Variants in SPIDR observed in about 807,000 individuals in gnomAD.
SPIDR encodes the protein DNA repair-scaffolding protein.
A neutral mutation model predicts 104.6 loss-of-function variants in SPIDR; 93 were observed. The ratio of observed to expected loss-of-function variants is 0.89; its 90% CI spans 0.75 to 1.06. The LOEUF (loss-of-function observed/expected upper bound fraction) is 1.06. SPIDR is among the 50% of genes least tolerant of loss of function. The probability of loss-of-function intolerance (pLI) is 0.00; values close to 1 mark genes in which losing one functional copy is unlikely to be tolerated. For synonymous variants in SPIDR, 431 were observed against 416.9 expected, an observed-to-expected ratio of 1.03 and a Z score of -0.41; for missense variants, 1,154 against 1,111.2, an observed-to-expected ratio of 1.04 and a Z score of -0.55.
chr8:47,691,016 G>T (rs1271841531), intron 11 of SPIDR, among the ~76,000 whole-genome samples: 1 of 152,058 alleles, frequency 6.6e-6, no homozygotes, highest in African/African-American at 2.4e-5. Flanking sequence ...TGCTGGCTGG[G>T]TGCAGTGGCT....
At chr8:47,660,488 C>T in intron 10 of SPIDR, 2 of 985,426 alleles carry the variant, frequency 2.0e-6, no homozygotes, top group Non-Finnish European at 2.4e-6. Context: ...CAAAGTCCTG[C>T]GGAATGGCAG....
At chr8:47,680,556 AGTG>A (rs1391628166) in intron 11 of SPIDR, among the ~76,000 whole-genome samples, 6 of 152,226 alleles carry the variant, frequency 3.9e-5, no homozygotes, top group Non-Finnish European at 1.5e-5. Flanking sequence ...GGAAATATGT[AGTG>A]GTAAGAGCTC....
At chr8:47,388,205 A>G (rs782098749) in intron 5 of SPIDR, 5 of 152,174 alleles carry the variant, frequency 3.3e-5, no homozygotes, top group African/African-American at 4.8e-5. Context: ...CACTAGTGTG[A>G]GCCATACTTA....
intron 8 of SPIDR, among the ~76,000 whole-genome samples, chr8:47,594,196 CAAAAAAAAAAA>C (rs372928071): frequency 7.5e-5 from 4 of 53,548 alleles, no homozygotes; most frequent in African/African-American, 7.8e-5. Context: ...CCAGTCTCTA[CAAAAAAAAAAA>C]AAAAAAAAAA....
chr8:47,582,047 T>A (rs1260047007), intron 8 of SPIDR, among the ~76,000 whole-genome samples: 2 of 152,110 alleles, frequency 1.3e-5, no homozygotes, highest in African/African-American at 4.8e-5. Flanking sequence ...TGAAACCCTG[T>A]CTCTACTAAA....
In SPIDR at chr8:47,596,022, C is replaced by T; in HGVS notation, c.1293+16C>T. Reference sequence around the variant, plus strand: ...TGAAATCCAGGTAAACTCCTATTGGCCTAAAGGTTTTATGCTTGTAATAAT... The same window carrying T: ...TGAAATCCAGGTAAACTCCTATTGGTCTAAAGGTTTTATGCTTGTAATAAT... On this transcript the variant is annotated intron_variant, in intron 9 of 19. Transcript: ENST00000297423. 2 of 1,597,704 alleles carry T rather than the reference C, an allele frequency of 1.3e-6. No individual in the cohort carries two copies. The highest frequency in any genetic ancestry group is 1.7e-6 in the Non-Finnish European group (2 of 1,171,608).
intron 3 of SPIDR, among the ~76,000 whole-genome samples, chr8:47,287,163 G>A (rs2039000005): frequency 6.6e-6 from 1 of 151,996 alleles, no homozygotes; most frequent in South Asian, 2.1e-4. Flanking sequence ...CGAACAGGGA[G>A]TAGGTCACAA....
rs545529362 is a variant in SPIDR, at chr8:47,635,087, ATATAGT to A, written c.1544+35897_1544+35902del. On this transcript the variant is annotated intron_variant, in intron 10 of 19. Coordinates refer to ENST00000297423, the MANE Select transcript of SPIDR (RefSeq NM_001080394.4). Reference sequence around the variant, plus strand: ...GGTTAATGGGTCCAAAGATATAAAGATATAGTTATAGGCTGAGTGCGGTGGCTGACA... The same window carrying A: ...GGTTAATGGGTCCAAAGATATAAAGATATAGGCTGAGTGCGGTGGCTGACA... 1.6e-4 allele frequency among the ~76,000 whole-genome samples: 24 copies of A among 152,206 alleles called. No homozygotes were observed. In the East Asian group the frequency reaches 2.1e-3, roughly 13 times the overall value.
chr8:47,702,230 A>G (rs1054130702), intron 14 of SPIDR, among the ~76,000 whole-genome samples: 6 of 152,114 alleles, frequency 3.9e-5, no homozygotes, highest in African/African-American at 1.4e-4. Flanking sequence ...AGCATGCCCC[A>G]TATACTGAAG....
At chr8:47,300,164 G>T (rs1413017642) in intron 5 of SPIDR, among the ~76,000 whole-genome samples, 1 of 152,066 alleles carries the variant, frequency 6.6e-6, no homozygotes, top group Non-Finnish European at 1.5e-5. Context: ...TCAGCTTCTT[G>T]CTGGTTTAGT....
chr8:47,499,481 T>C (rs924729163), intron 8 of SPIDR, among the ~76,000 whole-genome samples: 1 of 152,074 alleles, frequency 6.6e-6, no homozygotes, highest in South Asian at 2.1e-4. Flanking sequence ...TTTGAACTAC[T>C]TGTGGACAAT....
At chr8:47,500,479 T>C (rs893564061) in intron 8 of SPIDR, among the ~76,000 whole-genome samples, 14 of 152,348 alleles carry the variant, frequency 9.2e-5, no homozygotes, top group African/African-American at 2.9e-4. Context: ...CACCCACTTG[T>C]TGATAGGGTT....
At chr8:47,660,435 C>T (rs1241563291) in intron 10 of SPIDR, 2 of 985,288 alleles carry the variant, frequency 2.0e-6, no homozygotes, top group Non-Finnish European at 2.4e-6. Context: ...GCTCTTCCAA[C>T]ATGGTCCAGG....
intron 7 of SPIDR, among the ~76,000 whole-genome samples, chr8:47,435,800 A>G (rs962309914): frequency 6.6e-6 from 1 of 152,232 alleles, no homozygotes; most frequent in Non-Finnish European, 1.5e-5. Context: ...TCTTAGCATA[A>G]TGAAGTAGGG....
chr8:47,510,358 T>C (rs1354249843), intron 8 of SPIDR, among the ~76,000 whole-genome samples: 1 of 152,264 alleles, frequency 6.6e-6, no homozygotes, highest in East Asian at 1.9e-4. Context: ...GAAATTAGCA[T>C]AGCAATATGT....
intron 5 of SPIDR, among the ~76,000 whole-genome samples, chr8:47,349,940 C>T (rs1484480096): frequency 6.6e-6 from 1 of 152,162 alleles, no homozygotes; most frequent in Non-Finnish European, 1.5e-5. Context: ...GAGGCGATGC[C>T]CCGCCCTGCT....
intron 1 of SPIDR, among the ~76,000 whole-genome samples, chr8:47,277,547 G>T (rs1455240481): frequency 7.3e-5 from 11 of 150,302 alleles, no homozygotes; most frequent in Non-Finnish European, 1.5e-4. Flanking sequence ...TTTTTTTTAG[G>T]GACTTGCTAT....
At chr8:47,548,546 G>A (rs1280222849) in intron 8 of SPIDR, among the ~76,000 whole-genome samples, 1 of 152,228 alleles carries the variant, frequency 6.6e-6, no homozygotes, top group African/African-American at 2.4e-5. Context: ...TACTCGGGAG[G>A]CTGAGGCAGG....
At chr8:47,354,185 CAT>C (rs1179290170) in intron 5 of SPIDR, among the ~76,000 whole-genome samples, 1 of 152,052 alleles carries the variant, frequency 6.6e-6, no homozygotes, top group East Asian at 1.9e-4. Flanking sequence ...CTTTCTCAAT[CAT>C]ATATGTGAAT....
Sources: allele counts gnomAD v4.1 joint callset (sites outside exome capture counted in the v4.1 genomes callset), GRCh38; gene constraint gnomAD v4.1.1; transcripts MANE v1.5; gene names NCBI Gene and HGNC (gene_info 2026-07-23, HGNC 2026-07-21).